SAFB2: variants seen among roughly 807,000 people sequenced by gnomAD.
The protein encoded by SAFB2 is scaffold attachment factor B2.
A neutral mutation model predicts 100.6 loss-of-function variants in SAFB2; 32 were observed. That is an observed-to-expected ratio of 0.32 (90% CI 0.24 to 0.43). The LOEUF (loss-of-function observed/expected upper bound fraction) is 0.43, where lower values mean the gene tolerates loss of function less well. SAFB2 is among the 20% of genes least tolerant of loss of function. The pLI, the probability that SAFB2 is intolerant of heterozygous loss-of-function variation, is 1.00. For synonymous variants in SAFB2, 500 were observed against 439.4 expected (o/e 1.14, Z -1.72); for missense variants, 1,185 against 1,163.4 (o/e 1.02, Z -0.27).
At position 5,587,606 on chromosome 19, in the gene SAFB2, A is replaced by G. The variant is rs2052284971; in HGVS notation, c.2705+95T>C. The G allele has an allele frequency of 4.8e-6, 7 of 1,463,102 alleles. No individual in the cohort carries two copies. The highest frequency in any genetic ancestry group is 1.8e-4 in the Middle Eastern group (1 of 5,524). The allele number at this position is 1,463,102 out of a possible 1,614,324, so 90.6% of individuals were successfully genotyped here. A position where few individuals can be genotyped will look rare whatever the true frequency, so the allele number is the denominator to read the frequency against. ...AGCTGCTTTTTGCTTTGTTTTCATA[A>G]CATCCAACCCAGCCAGCTGATCAAA... On this transcript the variant is annotated intron_variant, in intron 20 of 20. Transcript: ENST00000252542. The surrounding 1 kb of genome is among the most constrained non-coding windows in gnomAD (Gnocchi z 4.9).
chr19:5,610,487 A>G (rs1304598939), intron 8 of SAFB2, 152 bp downstream of exon 8: 4 of 665,080 alleles, frequency 6.0e-6, no homozygotes, highest in Non-Finnish European at 1.1e-5. Flanking sequence ...GCGAACTTCT[A>G]AAACTAGTCT....
At chr19:5,620,369 C>A (rs1422179353) in intron 2 of SAFB2, among the ~76,000 whole-genome samples, 1 of 152,180 alleles carries the variant, frequency 6.6e-6, no homozygotes. Flanking sequence ...AGAAAACAGG[C>A]CCCCTGCACA....
At chr19:5,615,704 A>C (rs2053012490) in intron 4 of SAFB2, among the ~76,000 whole-genome samples, 1 of 152,202 alleles carries the variant, frequency 6.6e-6, no homozygotes, top group Non-Finnish European at 1.5e-5. Flanking sequence ...CCTGTCTCTA[A>C]ATAAATAAAC....
intron 13 of SAFB2, among the ~76,000 whole-genome samples, chr19:5,597,884 C>T (rs1473944750): frequency 1.3e-5 from 2 of 152,110 alleles, no homozygotes; most frequent in South Asian, 2.1e-4. Flanking sequence ...AATCCCAGCA[C>T]TTTGGGAGGC....
chr19:5,622,385 C>G (rs1599292675), intron 1 of SAFB2, 145 bp downstream of exon 1: 6 of 706,042 alleles, frequency 8.5e-6, no homozygotes, highest in East Asian at 3.2e-5. Context: ...ACAGCCGGCC[C>G]CCTGGGTGCC....
intron 2 of SAFB2, among the ~76,000 whole-genome samples, chr19:5,618,607 G>T (rs954008913): frequency 6.6e-6 from 1 of 152,174 alleles, no homozygotes; most frequent in African/African-American, 2.4e-5. Flanking sequence ...GTCCCACTTC[G>T]CATTATATCT....
At chr19:5,596,016 G>A (rs1378236717) in intron 13 of SAFB2, among the ~76,000 whole-genome samples, 1 of 152,242 alleles carries the variant, frequency 6.6e-6, no homozygotes. Context: ...TGTAATCCCA[G>A]CATTTCAGGA....
intron 4 of SAFB2, among the ~76,000 whole-genome samples, chr19:5,614,672 G>A (rs142501952): frequency 6.6e-6 from 1 of 152,330 alleles, no homozygotes; most frequent in Non-Finnish European, 1.5e-5. Flanking sequence ...TACTGGGCAC[G>A]TGACATCAGT....
At chr19:5,592,721 C>A in intron 16 of SAFB2, 26 bp downstream of exon 16, 1 of 1,613,088 alleles carries the variant, frequency 6.2e-7, no homozygotes, top group South Asian at 1.1e-5. Flanking sequence ...ATGACTGTAG[C>A]TAAAGGAGGG....
intron 17 of SAFB2, chr19:5,591,214 C>G (rs2052392915): frequency 6.5e-6 from 1 of 152,760 alleles, no homozygotes; most frequent in Admixed American, 6.5e-5. Flanking sequence ...GAAGAACAAG[C>G]CCAACATATT....
In SAFB2 at chr19:5,609,973, T is replaced by C. The variant is rs773085741; in HGVS notation, c.1296+22A>G. 2.2e-5 allele frequency: 35 copies of C among 1,594,178 alleles called. No individual in the cohort carries two copies. The Admixed American group carries it at 2.5e-4, about 11-fold the overall frequency. On this transcript the variant is annotated intron_variant, in intron 9 of 20. Coordinates refer to ENST00000252542, the MANE Select transcript of SAFB2 (RefSeq NM_014649.3). ...TTTAACTCTGAATCACAGTGGATGG[T>C]ATGAGGCAAGGGAAGGCATACCTTC...
intron 9 of SAFB2, among the ~76,000 whole-genome samples, chr19:5,608,652 C>T (rs2052831349): frequency 6.6e-6 from 1 of 152,192 alleles, no homozygotes; most frequent in Non-Finnish European, 1.5e-5. Context: ...GCCCACTCTG[C>T]CTGGAATCAG....
chr19:5,603,854 G>A (rs536929110), intron 11 of SAFB2, among the ~76,000 whole-genome samples: 1 of 152,296 alleles, frequency 6.6e-6, no homozygotes, highest in South Asian at 2.1e-4. Context: ...AAATTCCTTT[G>A]GATGATGCTT....
At chr19:5,607,288 C>A (rs1056214135) in intron 9 of SAFB2, among the ~76,000 whole-genome samples, 41 of 150,298 alleles carry the variant, frequency 2.7e-4, no homozygotes, top group Admixed American at 2.5e-3. Context: ...AAAACAAAAA[C>A]AAAAAAAAAC....
At chr19:5,618,644 G>A (rs184084970) in intron 2 of SAFB2, among the ~76,000 whole-genome samples, 4 of 152,316 alleles carry the variant, frequency 2.6e-5, no homozygotes, top group Non-Finnish European at 4.4e-5. Context: ...TTTGAAATAC[G>A]TTGTCTAAAA....
At chr19:5,618,115 C>A (rs1274998603) in intron 2 of SAFB2, among the ~76,000 whole-genome samples, 1 of 152,128 alleles carries the variant, frequency 6.6e-6, no homozygotes, top group Non-Finnish European at 1.5e-5. Context: ...CCGCTCTGGG[C>A]AACAGAGTAA....
chr19:5,592,422 T>C (rs891745674), intron 16 of SAFB2, among the ~76,000 whole-genome samples: 6 of 152,224 alleles, frequency 3.9e-5, no homozygotes, highest in African/African-American at 1.4e-4. Context: ...TGGTAGCTCT[T>C]GGGCACAACC....
intron 5 of SAFB2, 99 bp from the exon 6 acceptor site, chr19:5,612,666 C>T (rs992629033): frequency 2.2e-6 from 2 of 902,776 alleles, no homozygotes; most frequent in Non-Finnish European, 3.5e-6. Flanking sequence ...TGAATAAATG[C>T]CTGTTTCCAC....
chr19:5,588,184 CAGA>C (rs1260492208), intron 18 of SAFB2, among the ~76,000 whole-genome samples: 1 of 152,090 alleles, frequency 6.6e-6, no homozygotes, highest in African/African-American at 2.4e-5. Flanking sequence ...CAACGCCACC[CAGA>C]AATGCCAATC....
Sources: allele counts gnomAD v4.1 joint callset (sites outside exome capture counted in the v4.1 genomes callset), GRCh38; gene constraint gnomAD v4.1.1; non-coding constraint Gnocchi (gnomAD v3.1); transcripts MANE v1.5; gene names NCBI Gene and HGNC (gene_info 2026-07-23, HGNC 2026-07-21).